The following CADM2 variants were observed in gnomAD, a reference collection of about 807,000 sequenced individuals.
The protein encoded by CADM2 is immunoglobulin superfamily member 4D.
A neutral mutation model predicts 49.8 loss-of-function variants in CADM2; 12 were observed. That is an observed-to-expected ratio of 0.24 (90% CI 0.15 to 0.39). The LOEUF (loss-of-function observed/expected upper bound fraction) is 0.39. Ranked by LOEUF, CADM2 falls within the 10% of genes least tolerant of loss-of-function variation. CADM2 has a pLI of 1.00. For synonymous variants in CADM2, 214 were observed against 175.4 expected (o/e 1.22, Z -1.74); for missense variants, 378 against 492.3 (o/e 0.77, Z 2.20).
intron 6 of CADM2, among the ~76,000 whole-genome samples, chr3:85,926,137 A>AAAATAAAC (rs1553708316): frequency 7.0e-6 from 1 of 143,580 alleles, no homozygotes; most frequent in Admixed American, 7.1e-5. Context: ...CTCTGTCTCA[A>AAAATAAAC]AAATAAATAA....
At position 85,298,225 on chromosome 3, in the gene CADM2, A is replaced by G. The variant is rs191254390; in HGVS notation, c.61+338557A>G. ...ATGTTGATGCTACTGATGCTTACAA[A>G]TCAAGTAGATTAGCAGGTTTTGCCT... On this transcript the variant is annotated intron_variant, in intron 1 of 9. Coordinates refer to ENST00000383699, the MANE Select transcript of CADM2 (RefSeq NM_001167675.2). 2.9e-3 allele frequency among the ~76,000 whole-genome samples: 441 copies of G among 152,208 alleles called. 2 individuals carry two copies. Among genetic ancestry groups the G allele is most frequent in the African/African-American group, 0.01 (427 of 41,558 alleles).
chr3:85,152,202 A>G (rs1302534354), intron 1 of CADM2, among the ~76,000 whole-genome samples: 1 of 152,138 alleles, frequency 6.6e-6, no homozygotes, highest in Non-Finnish European at 1.5e-5. Context: ...ATAATTTAAT[A>G]CTACTCTATA....
intron 6 of CADM2, among the ~76,000 whole-genome samples, chr3:85,931,121 C>A (rs1720532121): frequency 6.6e-6 from 1 of 151,872 alleles, no homozygotes; most frequent in South Asian, 2.1e-4. Context: ...ACCTGTAATC[C>A]CAGCACTTTT....
chr3:85,075,291 G>A (rs541722175), intron 1 of CADM2, among the ~76,000 whole-genome samples: 30 of 151,700 alleles, frequency 2.0e-4, no homozygotes, highest in African/African-American at 7.2e-4. Context: ...GTTTAGCAAA[G>A]CCTGGAAATG....
chr3:85,786,037 T>G (rs569752665), intron 2 of CADM2, among the ~76,000 whole-genome samples: 1 of 152,176 alleles, frequency 6.6e-6, no homozygotes, highest in East Asian at 1.9e-4. Flanking sequence ...GATTCGTTAT[T>G]AGCCCTTTCC....
At chr3:85,669,902 A>G (rs1303120508) in intron 1 of CADM2, among the ~76,000 whole-genome samples, 1 of 152,060 alleles carries the variant, frequency 6.6e-6, no homozygotes, top group Non-Finnish European at 1.5e-5. Context: ...GACCCTTATG[A>G]TGAAGGAGCG....
chr3:85,827,813 A>G (rs572138184), intron 3 of CADM2, among the ~76,000 whole-genome samples: 31 of 152,120 alleles, frequency 2.0e-4, no homozygotes, highest in African/African-American at 7.5e-4. Context: ...CTCAAAGTGA[A>G]TGATTCAGGT....
intron 1 of CADM2, among the ~76,000 whole-genome samples, chr3:85,565,603 TG>T (rs2062233122): frequency 6.6e-6 from 1 of 152,072 alleles, no homozygotes; most frequent in Admixed American, 6.6e-5. Flanking sequence ...TATCTCTCTG[TG>T]AATCATATGT....
At chr3:85,611,879 G>A (rs1244036914) in intron 1 of CADM2, among the ~76,000 whole-genome samples, 3 of 151,858 alleles carry the variant, frequency 2.0e-5, no homozygotes, top group Non-Finnish European at 4.4e-5. Flanking sequence ...GGATGTCTCA[G>A]ATAAGAAGAC....
At chr3:85,129,232 T>C (rs12489229) in intron 1 of CADM2, among the ~76,000 whole-genome samples, 15,751 of 152,106 alleles carry the variant, frequency 0.1, 1,735 homozygotes, top group African/African-American at 0.28. Context: ...AATAGATGGT[T>C]GCCTTCAGTA....
intron 3 of CADM2, among the ~76,000 whole-genome samples, chr3:85,831,094 G>C (rs1200532508): frequency 1.3e-5 from 2 of 151,768 alleles, no homozygotes; most frequent in African/African-American, 4.8e-5. Context: ...TGTGGTATTT[G>C]GTTTTCTGTT....
intron 1 of CADM2, among the ~76,000 whole-genome samples, chr3:85,149,540 C>T (rs1412732436): frequency 2.6e-5 from 4 of 152,088 alleles, no homozygotes; most frequent in African/African-American, 9.7e-5. Context: ...TCCTGGCTAA[C>T]AGGGTGAAAC....
chr3:85,568,220 C>T (rs1052090193), intron 1 of CADM2, among the ~76,000 whole-genome samples: 2 of 152,150 alleles, frequency 1.3e-5, no homozygotes, highest in African/African-American at 2.4e-5. Flanking sequence ...ACTACTGAGA[C>T]AGACTACAGT....
intron 8 of CADM2, among the ~76,000 whole-genome samples, chr3:85,974,493 A>G (rs1726537475): frequency 6.6e-6 from 1 of 151,686 alleles, no homozygotes; most frequent in African/African-American, 2.4e-5. Context: ...CCACAAAGTT[A>G]TGGCTACCTC....
At chr3:85,635,426 G>A (rs1392560048) in intron 1 of CADM2, among the ~76,000 whole-genome samples, 8 of 152,080 alleles carry the variant, frequency 5.3e-5, no homozygotes, top group East Asian at 1.9e-4. Flanking sequence ...CAGTAATCTC[G>A]AAGAAGTACA....
chr3:85,358,907 G>A (rs1372126925), intron 1 of CADM2, among the ~76,000 whole-genome samples: 1 of 152,106 alleles, frequency 6.6e-6, no homozygotes, highest in Non-Finnish European at 1.5e-5. Context: ...AGTGGGTTGT[G>A]CTTACTGTGA....
intron 1 of CADM2, among the ~76,000 whole-genome samples, chr3:85,354,618 C>CACAGAGAG (rs1553712788): frequency 7.7e-6 from 1 of 130,158 alleles, no homozygotes; most frequent in Non-Finnish European, 1.6e-5. Flanking sequence ...GAATACCTAA[C>CACAGAGAG]AGAGAGAGAG....
At chr3:85,329,277 C>T (rs12491523) in intron 1 of CADM2, among the ~76,000 whole-genome samples, 11,081 of 152,114 alleles carry the variant, frequency 0.073, 736 homozygotes, top group African/African-American at 0.18. Flanking sequence ...TGGCTTAAGC[C>T]TGTAATCCCA....
chr3:85,687,863 A>C (rs2066262071), intron 1 of CADM2, among the ~76,000 whole-genome samples: 1 of 152,226 alleles, frequency 6.6e-6, no homozygotes, highest in Non-Finnish European at 1.5e-5. Context: ...GCTGTACAGC[A>C]GGAGGTGAGC....
Sources: gnomAD v4.1 joint callset for allele counts (sites outside exome capture counted in the v4.1 genomes callset) on GRCh38, gnomAD v4.1.1 for gene constraint, MANE v1.5 for transcripts, NCBI Gene and HGNC (gene_info 2026-07-23, HGNC 2026-07-21) for gene names.